Variants in RAB11FIP3 observed in about 807,000 individuals in gnomAD.
RAB11FIP3 encodes rab11 family-interacting protein 3.
A neutral mutation model predicts 77.8 loss-of-function variants in RAB11FIP3; 17 were observed. The observed-to-expected ratio is 0.22, with a 90% CI of 0.15 to 0.33. The LOEUF is 0.33. Among genes scored for constraint, RAB11FIP3 ranks in the 10% least tolerant of loss-of-function variants. RAB11FIP3 has a pLI of 1.00. For missense variants in RAB11FIP3, 1,005 were observed against 1,011.2 expected (o/e 0.99, Z 0.08); for synonymous variants, 437 against 448.2 (o/e 0.98, Z 0.31).
intron 5 of RAB11FIP3, 75 bp from the exon 6 acceptor site, chr16:496,749 C>A: frequency 6.8e-7 from 1 of 1,463,244 alleles, no homozygotes; most frequent in Non-Finnish European, 9.6e-7. Flanking sequence ...ATCTCCACAG[C>A]CTGAGTTTCC....
At chr16:475,865 A>ATTTTTTTTTTTTTTTTTT (rs1567378948) in intron 3 of RAB11FIP3, among the ~76,000 whole-genome samples, 2 of 151,660 alleles carry the variant, frequency 1.3e-5, no homozygotes, top group African/African-American at 4.9e-5. Context: ...TATTTTTTAA[A>ATTTTTTTTTTTTTTTTTT]TTGTTTTTTG....
intron 1 of RAB11FIP3, among the ~76,000 whole-genome samples, chr16:450,804 C>T (rs1258560896): frequency 6.6e-6 from 1 of 151,718 alleles, no homozygotes; most frequent in Admixed American, 6.6e-5. Context: ...TATTCATTAG[C>T]CCCAGGGAGA....
At chr16:478,155 C>T (rs746650877) in intron 3 of RAB11FIP3, among the ~76,000 whole-genome samples, 1 of 152,060 alleles carries the variant, frequency 6.6e-6, no homozygotes, top group Non-Finnish European at 1.5e-5. Flanking sequence ...GGGGTGGGAC[C>T]CTCTGGTAGC....
rs1555437375 is a variant in RAB11FIP3, at chr16:522,270, A to ATG, written c.*1432_*1433insGT. On this transcript the variant is annotated 3_prime_UTR_variant, in exon 14 of 14. Coordinates refer to ENST00000262305, the MANE Select transcript of RAB11FIP3 (RefSeq NM_014700.4). Reference sequence around the variant, plus strand: ...AATATATATATATATATATATATATATATGTATAATATATAAAGACTGGCA... The same window carrying ATG: ...AATATATATATATATATATATATATATGTATGTATAATATATAAAGACTGGCA... The ATG allele has an allele frequency of 8.8e-4, 129 of 146,614 alleles. No individual in the cohort carries two copies. The highest frequency in any genetic ancestry group is 3.6e-3 in the Middle Eastern group (1 of 278). The allele number at this position is 146,614 out of a possible 1,614,324, so 9.1% of individuals were successfully genotyped here. A position where few individuals can be genotyped will look rare whatever the true frequency, so the allele number is the denominator to read the frequency against.
At chr16:448,758 A>T (rs1054406133) in intron 1 of RAB11FIP3, among the ~76,000 whole-genome samples, 2 of 115,646 alleles carry the variant, frequency 1.7e-5, no homozygotes, top group Admixed American at 8.4e-5. Flanking sequence ...AAAAAAAAAA[A>T]TACAAAATTA....
At chr16:497,421 C>T (rs1596280668) in intron 6 of RAB11FIP3, 2 of 1,256,264 alleles carry the variant, frequency 1.6e-6, no homozygotes, top group East Asian at 1.2e-4. Context: ...CTCAGTGTGG[C>T]TGCCGGGTGG....
At chr16:497,192 CTGGCT>C in intron 6 of RAB11FIP3, 1 of 1,098,890 alleles carries the variant, frequency 9.1e-7, no homozygotes, top group Non-Finnish European at 1.2e-6. Context: ...AGTGAGGAGC[CTGGCT>C]TCTCAGAGCC....
intron 1 of RAB11FIP3, among the ~76,000 whole-genome samples, chr16:429,658 C>T (rs1283177362): frequency 6.6e-6 from 1 of 152,004 alleles, no homozygotes; most frequent in Non-Finnish European, 1.5e-5. Flanking sequence ...CGTCACCACA[C>T]CTGGCTATTT....
chr16:442,029 G>A (rs938198017), intron 1 of RAB11FIP3, among the ~76,000 whole-genome samples: 7 of 152,102 alleles, frequency 4.6e-5, no homozygotes, highest in South Asian at 2.1e-4. Flanking sequence ...TAGTAGAGAC[G>A]GGGTTTCACC....
At position 488,234 on chromosome 16, in the gene RAB11FIP3, G is replaced by C. The variant is rs564452461; in HGVS notation, c.1116-617G>C. ...TCTCTACTAAAAATACAAAAAATTA[G>C]CCGGGCGTGGTGGCGGGCGCCTGTA... On this transcript the variant is annotated intron_variant, in intron 4 of 13. Coordinates refer to ENST00000262305, the MANE Select transcript of RAB11FIP3 (RefSeq NM_014700.4). Among the ~76,000 whole-genome samples, 384 of 152,272 alleles carry C rather than the reference G, an allele frequency of 2.5e-3. 1 individual carries two copies. Among genetic ancestry groups the C allele is most frequent in the South Asian group, 8.1e-3 (39 of 4,818 alleles).
rs542301022 is a variant in RAB11FIP3, at chr16:479,989, A to T, written c.904-2536A>T. On this transcript the variant is annotated intron_variant, in intron 3 of 13. Coordinates refer to ENST00000262305, the MANE Select transcript of RAB11FIP3 (RefSeq NM_014700.4). ...CAGACATGTACCTATTTTTCATTTA[A>T]AAAAAAGTTGAATTCAGCCAGGCAC... Among the ~76,000 whole-genome samples the T allele has an allele frequency of 1.3e-5, 2 of 152,100 alleles. 1 individual carries two copies. Among genetic ancestry groups the T allele is most frequent in the Non-Finnish European group, 2.9e-5 (2 of 67,986 alleles).
chr16:512,353 G>A (rs147282171), intron 9 of RAB11FIP3, among the ~76,000 whole-genome samples: 1,623 of 151,678 alleles, frequency 0.011, 29 homozygotes, highest in African/African-American at 0.036. Context: ...CCATTCTCCC[G>A]CCTCAGCCTC....
At chr16:470,923 G>A (rs1357518204) in intron 2 of RAB11FIP3, among the ~76,000 whole-genome samples, 1 of 151,088 alleles carries the variant, frequency 6.6e-6, no homozygotes, top group Non-Finnish European at 1.5e-5. Context: ...AAATCTGATT[G>A]GTACCTAACA....
At chr16:433,272 C>T (rs1227408652) in intron 1 of RAB11FIP3, among the ~76,000 whole-genome samples, 1 of 136,140 alleles carries the variant, frequency 7.3e-6, no homozygotes, top group Non-Finnish European at 1.6e-5. Flanking sequence ...ACCTGGTGAT[C>T]CGCCCACCTG....
intron 8 of RAB11FIP3, among the ~76,000 whole-genome samples, chr16:509,064 C>T (rs569577819): frequency 1.6e-4 from 25 of 152,186 alleles, no homozygotes; most frequent in Admixed American, 3.9e-4. Flanking sequence ...CCACCACATC[C>T]GGCTAATTTT....
chr16:484,979 G>A (rs543632959), intron 4 of RAB11FIP3, among the ~76,000 whole-genome samples: 2 of 152,060 alleles, frequency 1.3e-5, no homozygotes, highest in Non-Finnish European at 2.9e-5. Flanking sequence ...CTCACCTTGT[G>A]GGGGGCATGC....
At chr16:517,849 G>A (rs917656649) in intron 9 of RAB11FIP3, among the ~76,000 whole-genome samples, 10 of 152,212 alleles carry the variant, frequency 6.6e-5, no homozygotes, top group Admixed American at 6.5e-5. Context: ...TTGGGAGGCC[G>A]AGGCAGGTGG....
In RAB11FIP3 at chr16:517,562, C is replaced by CA. The variant is rs546054481; in HGVS notation, c.1641-1375dup. On this transcript the variant is annotated intron_variant, in intron 9 of 13. Coordinates refer to ENST00000262305, the MANE Select transcript of RAB11FIP3 (RefSeq NM_014700.4). Reference sequence around the variant, plus strand: ...TGGGTAACAGAGCGAGACCCTCTCTCAAAAAACCAAACAAATGCAGTGTGG... The same window carrying CA: ...TGGGTAACAGAGCGAGACCCTCTCTCAAAAAAACCAAACAAATGCAGTGTGG... 1.4e-3 allele frequency among the ~76,000 whole-genome samples: 214 copies of CA among 152,038 alleles called. 3 individuals carry two copies. Among genetic ancestry groups the CA allele is most frequent in the Admixed American group, 0.013 (199 of 15,272 alleles).
intron 3 of RAB11FIP3, among the ~76,000 whole-genome samples, chr16:480,510 T>A (rs1025312874): frequency 4.6e-5 from 7 of 151,856 alleles, no homozygotes; most frequent in African/African-American, 1.7e-4. Flanking sequence ...ATTTATTTAT[T>A]TATTTTTGAG....
Sources: gnomAD v4.1 joint callset for allele counts (sites outside exome capture counted in the v4.1 genomes callset) on GRCh38, gnomAD v4.1.1 for gene constraint, MANE v1.5 for transcripts, NCBI Gene and HGNC (gene_info 2026-07-23, HGNC 2026-07-21) for gene names.